PDLIM1: variants seen among roughly 807,000 people sequenced by gnomAD.
The protein encoded by PDLIM1 is PDZ and LIM domain 1.
Under a neutral mutation model 35.2 loss-of-function variants are expected in PDLIM1, and 25 were observed. The observed-to-expected ratio is 0.71, with a 90% CI of 0.52 to 0.99. PDLIM1 has a LOEUF of 0.99. PDLIM1 is among the 50% of genes least tolerant of loss of function. PDLIM1 has a pLI of 0.00. For missense variants in PDLIM1, 363 were observed against 415.3 expected (o/e 0.87, Z 1.09); for synonymous variants, 152 against 154.0 (o/e 0.99, Z 0.10).
In PDLIM1 at chr10:95,248,638, A is replaced by G. The variant is rs116396645; in HGVS notation, c.534-1272T>C. ...TTAGCACAAAATATTTAGTTTTAAT[A>G]CTAAAATATATGTTTAATCAAATTC... On this transcript the variant is annotated intron_variant, in intron 4 of 6. Transcript: ENST00000329399. Among the ~76,000 whole-genome samples, 810 of 152,360 alleles carry G rather than the reference A, an allele frequency of 5.3e-3. 7 individuals carry two copies. The highest frequency in any genetic ancestry group is 0.019 in the African/African-American group (786 of 41,574).
chr10:95,259,274 A>G (rs1234920482), intron 4 of PDLIM1, among the ~76,000 whole-genome samples: 1 of 152,214 alleles, frequency 6.6e-6, no homozygotes, highest in African/African-American at 2.4e-5. Flanking sequence ...AATTTTAATT[A>G]ATTTTAAGAA....
At chr10:95,240,608 T>C (rs1293401221) in intron 5 of PDLIM1, among the ~76,000 whole-genome samples, 13 of 152,204 alleles carry the variant, frequency 8.5e-5, no homozygotes, top group Non-Finnish European at 1.5e-5. Flanking sequence ...TCATTACCTA[T>C]GTAACAAACC....
At chr10:95,268,946 T>C in intron 2 of PDLIM1, 84 bp from the exon 3 acceptor site, 1 of 935,240 alleles carries the variant, frequency 1.1e-6, no homozygotes, top group Non-Finnish European at 1.7e-6. Flanking sequence ...ATGCCCCCTC[T>C]TTCCTGGACT....
intron 4 of PDLIM1, among the ~76,000 whole-genome samples, chr10:95,256,778 C>G (rs1777465501): frequency 6.6e-6 from 1 of 151,900 alleles, no homozygotes; most frequent in East Asian, 1.9e-4. Flanking sequence ...TCAAGACCAG[C>G]CTGGCCAACA....
chr10:95,285,539 T>A (rs947751432), intron 1 of PDLIM1, among the ~76,000 whole-genome samples: 67 of 152,336 alleles, frequency 4.4e-4, no homozygotes, highest in African/African-American at 1.5e-3. Context: ...TGACTTTGTG[T>A]TCTGTGTCCC....
At chr10:95,287,143 T>C (rs2035609580) in intron 1 of PDLIM1, among the ~76,000 whole-genome samples, 1 of 152,168 alleles carries the variant, frequency 6.6e-6, no homozygotes, top group Non-Finnish European at 1.5e-5. Flanking sequence ...CTCTTCCCCC[T>C]CTCTCCTTAA....
chr10:95,261,528 G>A (rs2035362140), intron 4 of PDLIM1, among the ~76,000 whole-genome samples: 1 of 152,106 alleles, frequency 6.6e-6, no homozygotes, highest in Admixed American at 6.6e-5. Context: ...CCCCACAGTC[G>A]CCTGGAAGAG....
intron 6 of PDLIM1, 120 bp from the exon 7 acceptor site, chr10:95,238,231 C>T: frequency 1.3e-6 from 1 of 785,292 alleles, no homozygotes; most frequent in Non-Finnish European, 2.0e-6. Flanking sequence ...GAACCCATCA[C>T]AGGGGAAACC....
rs2035150232 is a variant in PDLIM1, at chr10:95,238,881, C to A, written c.686-196G>T. On this transcript the variant is annotated intron_variant, in intron 5 of 6. Transcript: ENST00000329399. ...TTTTCTATAAAATAGGAGATTAACACCTGGCCAAAGAAAAGCCCAAAAAGC... is the reference window on the plus strand; with the variant it reads ...TTTTCTATAAAATAGGAGATTAACAACTGGCCAAAGAAAAGCCCAAAAAGC... 5.9e-6 allele frequency: 3 copies of A among 509,274 alleles called. No homozygotes were observed. In the South Asian group the frequency reaches 9.0e-5, roughly 15 times the overall value. 31.5% of individuals were successfully genotyped at this position (509,274 alleles called of 1,614,324 possible). A position where few individuals can be genotyped will look rare whatever the true frequency, so the allele number is the denominator to read the frequency against.
chr10:95,268,751 C>T (rs769672030), intron 3 of PDLIM1, 27 bp downstream of exon 3: 2 of 1,436,374 alleles, frequency 1.4e-6, no homozygotes, highest in Non-Finnish European at 2.0e-6. Context: ...GTGGTGAGAG[C>T]AGCGGCAACG....
intron 1 of PDLIM1, among the ~76,000 whole-genome samples, chr10:95,287,983 G>A (rs1421120323): frequency 6.6e-6 from 1 of 151,940 alleles, no homozygotes; most frequent in African/African-American, 2.4e-5. Flanking sequence ...TGGTATTTGG[G>A]ATACCTAATT....
intron 1 of PDLIM1, among the ~76,000 whole-genome samples, chr10:95,279,020 A>ATT (rs1397147777): frequency 1.3e-5 from 2 of 152,208 alleles, no homozygotes; most frequent in Non-Finnish European, 2.9e-5. Flanking sequence ...TGTGAAATGG[A>ATT]CCCAGCCAAC....
chr10:95,245,843 T>C (rs1220581254), intron 5 of PDLIM1, among the ~76,000 whole-genome samples: 4 of 152,144 alleles, frequency 2.6e-5, no homozygotes, highest in African/African-American at 7.2e-5. Context: ...GAAGCCCAGG[T>C]GTCGGGTGTG....
At chr10:95,248,137 C>G (rs1200188653) in intron 4 of PDLIM1, among the ~76,000 whole-genome samples, 1 of 152,234 alleles carries the variant, frequency 6.6e-6, no homozygotes, top group Non-Finnish European at 1.5e-5. Flanking sequence ...TCAGCTATAC[C>G]TGTAAATCTA....
At chr10:95,268,604 C>A (rs1244403378) in intron 3 of PDLIM1, among the ~76,000 whole-genome samples, 174 bp downstream of exon 3, 2 of 152,196 alleles carry the variant, frequency 1.3e-5, no homozygotes, top group Non-Finnish European at 2.9e-5. Context: ...CCAGCCCTAT[C>A]CTCCTGCAGT....
intron 3 of PDLIM1, among the ~76,000 whole-genome samples, chr10:95,268,054 C>T (rs1463765884): frequency 6.6e-6 from 1 of 152,110 alleles, no homozygotes; most frequent in Non-Finnish European, 1.5e-5. Flanking sequence ...AAAAACAATA[C>T]CCATGCCTTG....
intron 6 of PDLIM1, 95 bp downstream of exon 6, chr10:95,238,473 T>G: frequency 1.2e-6 from 1 of 838,734 alleles, no homozygotes; most frequent in Non-Finnish European, 2.1e-6. Flanking sequence ...TTTGTCTCCC[T>G]CACAAGCAAA....
At chr10:95,258,151 A>G (rs2035332315) in intron 4 of PDLIM1, among the ~76,000 whole-genome samples, 1 of 152,138 alleles carries the variant, frequency 6.6e-6, no homozygotes, top group Non-Finnish European at 1.5e-5. Flanking sequence ...TATCATGAGA[A>G]CAACATGGGA....
At chr10:95,238,733 T>G (rs753099217) in intron 5 of PDLIM1, 48 bp from the exon 6 acceptor site, 2 of 1,143,106 alleles carry the variant, frequency 1.7e-6, no homozygotes, top group Non-Finnish European at 2.7e-6. Context: ...CAGAATTGCA[T>G]AAGTATCACT....
Sources: allele counts gnomAD v4.1 joint callset (sites outside exome capture counted in the v4.1 genomes callset), GRCh38; gene constraint gnomAD v4.1.1; transcripts MANE v1.5; gene names NCBI Gene and HGNC (gene_info 2026-07-23, HGNC 2026-07-21).